Variants in KLRG2 observed in about 807,000 individuals in gnomAD.
The protein encoded by KLRG2 is killer cell lectin like receptor G2.
A neutral mutation model predicts 35.4 loss-of-function variants in KLRG2; 39 were observed. The observed-to-expected ratio is 1.10, with a 90% confidence interval of 0.85 to 1.44. The LOEUF (loss-of-function observed/expected upper bound fraction) is 1.44, where lower values mean the gene tolerates loss of function less well. KLRG2 is among the 40% of genes most tolerant of loss of function. The probability of loss-of-function intolerance (pLI) is 0.00; values close to 1 mark genes in which losing one functional copy is unlikely to be tolerated. For missense variants in KLRG2, 632 were observed against 570.9 expected, an observed-to-expected ratio of 1.11 and a Z score of -1.09; for synonymous variants, 283 against 265.8, an observed-to-expected ratio of 1.06 and a Z score of -0.63.
chr7:139,482,040 G>A (rs1279500848), intron 1 of KLRG2, among the ~76,000 whole-genome samples: 1 of 152,092 alleles, frequency 6.6e-6, no homozygotes, highest in Non-Finnish European at 1.5e-5. Flanking sequence ...TATCTTTTGT[G>A]GGCTCTTTCT....
Position 139,454,164 on chromosome 7 carries a change from C to G in KLRG2, c.1056G>C (p.Trp352Cys), listed in dbSNP as rs891547461. 1.9e-5 allele frequency: 30 copies of G among 1,545,410 alleles called. No individual in the cohort carries two copies. Among genetic ancestry groups the G allele is most frequent in the Admixed American group, 4.1e-5 (2 of 49,068 alleles). Residue 352 changes from tryptophan (W) to cysteine (C), a missense_variant, in exon 4 of 5, where the codon TGG becomes TGC. Transcript: ENST00000340940. Reference sequence around the variant, plus strand: ...TCCAGTGCCAGCCCTGGGGGCCTCGCCAGGCCCCCACCCAGGAGTGCCTGG... The same window carrying G: ...TCCAGTGCCAGCCCTGGGGGCCTCGGCAGGCCCCCACCCAGGAGTGCCTGG... ...PVSRHSWVGA[W>C]RGPQGWHWID...
chr7:139,481,162 C>T (rs1796953459), intron 1 of KLRG2, among the ~76,000 whole-genome samples: 1 of 152,112 alleles, frequency 6.6e-6, no homozygotes, highest in African/African-American at 2.4e-5. Context: ...AAGAAAAGCC[C>T]AGAAGCTAGC....
chr7:139,466,400 A>G (rs1050444620), intron 3 of KLRG2, among the ~76,000 whole-genome samples: 1 of 152,092 alleles, frequency 6.6e-6, no homozygotes, highest in Non-Finnish European at 1.5e-5. Flanking sequence ...TATTAGTCAA[A>G]TCACCCAAGC....
chr7:139,455,831 G>C (rs1796469463), intron 3 of KLRG2, among the ~76,000 whole-genome samples: 1 of 152,112 alleles, frequency 6.6e-6, no homozygotes. Context: ...GGAAAAAAAT[G>C]AACTTATCTA....
downstream of KLRG2, among the ~76,000 whole-genome samples, chr7:139,448,207 G>C (rs1253972305): frequency 1.3e-5 from 2 of 151,974 alleles, no homozygotes; most frequent in Non-Finnish European, 2.9e-5. Flanking sequence ...TGTTGTCCAG[G>C]CTGGTCTCAA....
chr7:139,447,136 C>A, the KLRG2 span, among the ~76,000 whole-genome samples: 1 of 151,932 alleles, frequency 6.6e-6, no homozygotes, highest in African/African-American at 2.4e-5. Context: ...GTCAGCATAA[C>A]GTTAAAACCC....
intron 1 of KLRG2, among the ~76,000 whole-genome samples, chr7:139,480,508 C>T (rs868826112): frequency 1.6e-5 from 2 of 124,574 alleles, no homozygotes; most frequent in Admixed American, 1.0e-4. Context: ...TGCAGTGGTG[C>T]GATCTCGGCT....
the KLRG2 span, among the ~76,000 whole-genome samples, chr7:139,436,008 TCTC>T: frequency 1.3e-5 from 2 of 152,038 alleles, no homozygotes; most frequent in Non-Finnish European, 2.9e-5. Flanking sequence ...TTCAAGTGAT[TCTC>T]CTGTCTCAGC....
At chr7:139,445,812 G>A in the KLRG2 span, among the ~76,000 whole-genome samples, 1 of 90,158 alleles carries the variant, frequency 1.1e-5, no homozygotes, top group Non-Finnish European at 2.0e-5. Context: ...TATATATGAC[G>A]GAGTTTTGCT....
chr7:139,472,454 G>A (rs1197552951), intron 3 of KLRG2, among the ~76,000 whole-genome samples: 2 of 151,750 alleles, frequency 1.3e-5, no homozygotes, highest in African/African-American at 4.8e-5. Context: ...AAAAAAAAAT[G>A]GGAAGAGAAG....
At chr7:139,465,848 G>T (rs1240010571) in intron 3 of KLRG2, among the ~76,000 whole-genome samples, 1 of 152,014 alleles carries the variant, frequency 6.6e-6, no homozygotes, top group Non-Finnish European at 1.5e-5. Context: ...ATCCCTCATG[G>T]CAGTTTTTCT....
intron 3 of KLRG2, among the ~76,000 whole-genome samples, chr7:139,469,549 GTTC>G (rs1245658880): frequency 6.6e-6 from 1 of 152,070 alleles, no homozygotes; most frequent in East Asian, 1.9e-4. Context: ...GGGTTCAAGT[GTTC>G]TTCTGCCTCA....
At position 139,483,030 on chromosome 7, in the gene KLRG2, G is replaced by A. The variant is rs1443784607; in HGVS notation, c.613C>T (p.Pro205Ser). Reference sequence around the variant, plus strand: ...GGGGAGCCGGCGCTTCCTTCCGCGGGGCTGGCCCGGCCCTCTGCGTCGCAG... The same window carrying A: ...GGGGAGCCGGCGCTTCCTTCCGCGGAGCTGGCCCGGCCCTCTGCGTCGCAG... Reference protein sequence around the residue: ...SGCDAEGRASPAEGSAGSPGS... With the variant: ...SGCDAEGRASSAEGSAGSPGS... The change falls in exon 1 of 5, where the codon CCC becomes TCC. Residue 205 changes from proline (P) to serine (S), a missense_variant. By Grantham distance (74) the Pro-to-Ser change is moderately conservative (BLOSUM62 -1). Coordinates refer to ENST00000340940, the MANE Select transcript of KLRG2 (RefSeq NM_198508.4). The A allele has an allele frequency of 3.6e-6, 5 of 1,371,638 alleles. No individual in the cohort carries two copies. The highest frequency in any genetic ancestry group is 2.6e-4 in the Middle Eastern group (1 of 3,778). The allele number at this position is 1,371,638 out of a possible 1,614,324, so 85.0% of individuals were successfully genotyped here. A position where few individuals can be genotyped will look rare whatever the true frequency, so the allele number is the denominator to read the frequency against.
At chr7:139,462,445 C>A (rs188628711) in intron 3 of KLRG2, among the ~76,000 whole-genome samples, 1 of 152,086 alleles carries the variant, frequency 6.6e-6, no homozygotes, top group Non-Finnish European at 1.5e-5. Context: ...AGCATCCCCC[C>A]ACCTTCTCTC....
At chr7:139,454,296 C>T (rs1375330766) in intron 3 of KLRG2, 82 bp from the exon 4 acceptor site, 2 of 714,142 alleles carry the variant, frequency 2.8e-6, no homozygotes, top group East Asian at 2.7e-5. Flanking sequence ...GGGGCTTCCA[C>T]AGGATCCCAG....
the KLRG2 span, among the ~76,000 whole-genome samples, chr7:139,442,786 GCCACTATCCT>G: frequency 1.3e-5 from 2 of 152,124 alleles, no homozygotes; most frequent in Non-Finnish European, 2.9e-5. Flanking sequence ...TCAGTATCAT[GCCACTATCCT>G]CCAGTCTGGG....
chr7:139,465,703 A>AG (rs1554404057), intron 3 of KLRG2, among the ~76,000 whole-genome samples: 7 of 151,708 alleles, frequency 4.6e-5, no homozygotes, highest in African/African-American at 9.7e-5. Context: ...AAAAAAAAAA[A>AG]AAAGAAAGAA....
intron 1 of KLRG2, 30 bp downstream of exon 1, chr7:139,482,854 GGC>G (rs1363530556): frequency 7.3e-7 from 1 of 1,369,782 alleles, no homozygotes; most frequent in East Asian, 3.1e-5. Flanking sequence ...CCGACCTGGC[GGC>G]GTCGGCTGCC....
intron 1 of KLRG2, among the ~76,000 whole-genome samples, chr7:139,480,935 G>A (rs966205885): frequency 4.6e-5 from 7 of 151,994 alleles, no homozygotes; most frequent in African/African-American, 1.4e-4. Context: ...GTAGAGATGG[G>A]GTTTGACGAT....
Sources: gnomAD v4.1 joint callset for allele counts (sites outside exome capture counted in the v4.1 genomes callset) on GRCh38, gnomAD v4.1.1 for gene constraint, MANE v1.5 for transcripts, NCBI Gene and HGNC (gene_info 2026-07-23, HGNC 2026-07-21) for gene names.